The following KCNQ1OT1 variants were observed in gnomAD, a reference collection of about 807,000 sequenced individuals.
KCNQ1OT1 encodes KCNQ1 antisense RNA 2 (non-protein coding).
chr11:2,660,302 A>G (rs1849928733), exon 1 of KCNQ1OT1: 1 of 398,458 alleles, frequency 2.5e-6, no homozygotes. Context: ...ACACACATAC[A>G]TATGTATACA....
exon 1 of KCNQ1OT1, chr11:2,631,593 C>T (rs1480638688): frequency 2.5e-6 from 1 of 398,354 alleles, no homozygotes; most frequent in Non-Finnish European, 4.4e-6. Flanking sequence ...GGGAGTCAGT[C>T]CCTGAAAATT....
exon 1 of KCNQ1OT1, chr11:2,699,744 G>A (rs960125594): frequency 1.1e-5 from 4 of 355,058 alleles, no homozygotes; most frequent in Non-Finnish European, 9.6e-6. Flanking sequence ...GCGCCGAGGA[G>A]CCCCCAGAAG....
exon 1 of KCNQ1OT1, chr11:2,685,388 G>T (rs1053692405): frequency 3.3e-5 from 13 of 398,558 alleles, no homozygotes; most frequent in Admixed American, 2.6e-4. Context: ...ATGGGCAGGG[G>T]ATAGATGTGT....
At chr11:2,689,834 C>T (rs1850559223) in exon 1 of KCNQ1OT1, 1 of 398,698 alleles carries the variant, frequency 2.5e-6, no homozygotes, top group Admixed American at 4.4e-5. Context: ...TCCCAGGTGC[C>T]TGGTTGTGGC....
At chr11:2,641,243 T>C (rs769764706) in exon 1 of KCNQ1OT1, 10 of 398,340 alleles carry the variant, frequency 2.5e-5, no homozygotes, top group Non-Finnish European at 4.4e-5. Flanking sequence ...GAAATCAAAC[T>C]GTTTTCTATA....
exon 1 of KCNQ1OT1, chr11:2,686,980 A>G (rs1850500614): frequency 2.5e-6 from 1 of 398,690 alleles, no homozygotes; most frequent in African/African-American, 2.1e-5. Context: ...GGCAAGGACA[A>G]CACTGGGCCC....
Position 2,687,593 on chromosome 11 carries a change from A to G in KCNQ1OT1, n.12402T>C. On this transcript the variant is annotated non_coding_transcript_exon_variant, in exon 1 of 1. Transcript: ENST00000597346. The surrounding 1 kb of genome is among the most constrained non-coding windows in gnomAD (Gnocchi z 5.0). Reference sequence around the variant, plus strand: ...CCCCTGTCAAGGAGGTGTGACTGAGAAAGGAAGGGGCAGAGATCCCTTCTC... The same window carrying G: ...CCCCTGTCAAGGAGGTGTGACTGAGGAAGGAAGGGGCAGAGATCCCTTCTC... 1 of 398,700 alleles carries G rather than the reference A, an allele frequency of 2.5e-6. No individual in the cohort carries two copies. The highest frequency in any genetic ancestry group is 4.4e-6 in the Non-Finnish European group (1 of 226,146). The allele number at this position is 398,700 out of a possible 1,614,324, so 24.7% of individuals were successfully genotyped here.
exon 1 of KCNQ1OT1, chr11:2,643,683 CATTA>C (rs1414266021): frequency 7.5e-6 from 3 of 398,356 alleles, no homozygotes; most frequent in Non-Finnish European, 1.3e-5. Context: ...TTATTCCTGT[CATTA>C]ATTGATTTCT....
rs1456347888 is a variant in KCNQ1OT1, at chr11:2,624,887, G to C, written n.75108C>G. ...TTTCATTTAACATAATGGCCTCGAG[G>C]TTCATCCATGTTGTGGCATGTGTCA... On this transcript the variant is annotated non_coding_transcript_exon_variant, in exon 1 of 1. Coordinates refer to ENST00000597346, the Ensembl canonical transcript of KCNQ1OT1. The surrounding 1 kb of genome is among the most constrained non-coding windows in gnomAD (Gnocchi z 4.9). The C allele has an allele frequency of 5.0e-6, 2 of 398,260 alleles. No individual in the cohort carries two copies. Among genetic ancestry groups the C allele is most frequent in the African/African-American group, 4.1e-5 (2 of 48,552 alleles). 24.7% of individuals were successfully genotyped at this position (398,260 alleles called of 1,614,324 possible).
exon 1 of KCNQ1OT1, chr11:2,648,592 CTT>C: frequency 5.0e-6 from 2 of 398,500 alleles, no homozygotes; most frequent in Non-Finnish European, 8.8e-6. Context: ...AGAAGTTCCT[CTT>C]GTTATTGATT....
Position 2,687,567 on chromosome 11 carries a change from C to A in KCNQ1OT1, n.12428G>T, listed in dbSNP as rs551241068. ...CACCTACCACAGCCCACTCTGATGA[C>A]CCCCTGTCAAGGAGGTGTGACTGAG... On this transcript the variant is annotated non_coding_transcript_exon_variant, in exon 1 of 1. Transcript: ENST00000597346. This position sits in a 1 kb window ranked among gnomAD's most constrained non-coding sequence, Gnocchi z 5.0. 1.0e-5 allele frequency: 4 copies of A among 398,700 alleles called. No individual in the cohort carries two copies. In the East Asian group the frequency reaches 1.4e-4, roughly 14 times the overall value. 24.7% of individuals were successfully genotyped at this position (398,700 alleles called of 1,614,324 possible).
chr11:2,645,126 A>G lies in KCNQ1OT1; in HGVS notation n.54869T>C. On this transcript the variant is annotated non_coding_transcript_exon_variant, in exon 1 of 1. Coordinates refer to ENST00000597346, the Ensembl canonical transcript of KCNQ1OT1. This position sits in a 1 kb window ranked among gnomAD's most constrained non-coding sequence, Gnocchi z 5.8. ...CAGCAGATATGGCTTGGGCAATGGC[A>G]GTAGCAGTGGCAGAACAATCTTCTG... is the stretch of plus-strand genomic sequence containing the variant. 1 of 398,670 alleles carries G rather than the reference A, an allele frequency of 2.5e-6. No homozygotes were observed. The highest frequency in any genetic ancestry group is 4.4e-6 in the Non-Finnish European group (1 of 226,112). 24.7% of individuals were successfully genotyped at this position (398,670 alleles called of 1,614,324 possible).
chr11:2,670,246 G>T lies in KCNQ1OT1; in HGVS notation n.29749C>A. On this transcript the variant is annotated non_coding_transcript_exon_variant, in exon 1 of 1. Transcript: ENST00000597346. This position sits in a 1 kb window ranked among gnomAD's most constrained non-coding sequence, Gnocchi z 4.9. Reference sequence around the variant, plus strand: ...ACCTGCCTTTGACCCTGCACATGACGGGCGAGGGAAGAGGACCATGGTAGC... The same window carrying T: ...ACCTGCCTTTGACCCTGCACATGACTGGCGAGGGAAGAGGACCATGGTAGC... The T allele has an allele frequency of 2.5e-6, 1 of 398,536 alleles. No homozygotes were observed. Among genetic ancestry groups the T allele is most frequent in the Non-Finnish European group, 4.4e-6 (1 of 226,060 alleles). The allele number at this position is 398,536 out of a possible 1,614,324, so 24.7% of individuals were successfully genotyped here. A position where few individuals can be genotyped will look rare whatever the true frequency, so the allele number is the denominator to read the frequency against.
chr11:2,675,381 T>C (rs971776215), exon 1 of KCNQ1OT1: 1 of 398,502 alleles, frequency 2.5e-6, no homozygotes, highest in African/African-American at 2.1e-5. Flanking sequence ...AGAAAACATT[T>C]AAACACAGAT....
At chr11:2,629,521 A>G (rs2133814275) in exon 1 of KCNQ1OT1, 1 of 398,354 alleles carries the variant, frequency 2.5e-6, no homozygotes, top group East Asian at 3.6e-5. Context: ...GAGTTAGGTA[A>G]AGGTCTCGAC....
Position 2,659,714 on chromosome 11 carries a change from G to A in KCNQ1OT1, n.40281C>T, listed in dbSNP as rs1849916180. ...ACTGTGCCATTTTGCATTCCCACCA[G>A]TAACATATGAGAGTTCTACATGTTC... On this transcript the variant is annotated non_coding_transcript_exon_variant, in exon 1 of 1. Transcript: ENST00000597346. This position sits in a 1 kb window ranked among gnomAD's most constrained non-coding sequence, Gnocchi z 4.3. The A allele has an allele frequency of 2.5e-6, 1 of 398,392 alleles. No homozygotes were observed. The highest frequency in any genetic ancestry group is 2.1e-5 in the African/African-American group (1 of 48,632). 24.7% of individuals were successfully genotyped at this position (398,392 alleles called of 1,614,324 possible). A position where few individuals can be genotyped will look rare whatever the true frequency, so the allele number is the denominator to read the frequency against.
At chr11:2,643,936 C>A (rs958527496) in exon 1 of KCNQ1OT1, 1 of 398,444 alleles carries the variant, frequency 2.5e-6, no homozygotes, top group African/African-American at 2.1e-5. Flanking sequence ...ATCCCATCCT[C>A]CTGGCCTGTA....
chr11:2,693,743 C>T (rs190171684), exon 1 of KCNQ1OT1: 74 of 398,608 alleles, frequency 1.9e-4, no homozygotes, highest in Middle Eastern at 6.2e-4. Flanking sequence ...CTGGGTTATA[C>T]AGGCTCCTGC....
At chr11:2,685,042 C>T (rs1038376969) in exon 1 of KCNQ1OT1, 28 of 398,510 alleles carry the variant, frequency 7.0e-5, no homozygotes, top group Middle Eastern at 6.2e-4. Flanking sequence ...GAGCACATTT[C>T]CTGGATTTAA....
Sources: gnomAD v4.1 joint callset for allele counts on GRCh38, gnomAD v4.1.1 for gene constraint, Gnocchi (gnomAD v3.1) non-coding constraint, MANE v1.5 for transcripts, NCBI Gene and HGNC (gene_info 2026-07-23, HGNC 2026-07-21) for gene names.